Variants in PDZD2 observed in about 807,000 individuals in gnomAD.
PDZD2 encodes PDZ domain-containing protein 2.
A neutral mutation model predicts 220.7 loss-of-function variants in PDZD2; 90 were observed. That is an observed-to-expected ratio of 0.41 (90% CI 0.34 to 0.49). PDZD2 has a LOEUF of 0.49. Ranked by LOEUF, PDZD2 falls within the 20% of genes least tolerant of loss-of-function variation. The pLI is 0.28. For synonymous variants in PDZD2, 1,375 were observed against 1,450.5 expected (o/e 0.95, Z 1.18); for missense variants, 3,174 against 3,608.5 (o/e 0.88, Z 3.08).
chr5:31,911,473 C>T (rs974410888), intron 2 of PDZD2, among the ~76,000 whole-genome samples: 1 of 152,168 alleles, frequency 6.6e-6, no homozygotes, highest in Non-Finnish European at 1.5e-5. Flanking sequence ...TTCAGAAGCC[C>T]CTGACTTGGA....
intron 1 of PDZD2, among the ~76,000 whole-genome samples, chr5:31,708,881 GTTTTT>G (rs33947537): frequency 3.2e-5 from 2 of 61,726 alleles, no homozygotes; most frequent in African/African-American, 1.5e-4. Context: ...AATGTGTTTT[GTTTTT>G]TTTTTTTTTT....
chr5:32,047,412 CAT>C (rs1191332312), intron 7 of PDZD2, among the ~76,000 whole-genome samples: 10 of 152,100 alleles, frequency 6.6e-5, no homozygotes, highest in Non-Finnish European at 1.3e-4. Context: ...TATCTAATGA[CAT>C]GTGAGAGAAT....
chr5:31,911,929 C>G (rs1743243567), intron 2 of PDZD2, among the ~76,000 whole-genome samples: 1 of 152,168 alleles, frequency 6.6e-6, no homozygotes, highest in African/African-American at 2.4e-5. Context: ...TAGAAATAAG[C>G]TCACACGCCT....
intron 1 of PDZD2, among the ~76,000 whole-genome samples, chr5:31,756,511 A>C (rs1288247764): frequency 6.6e-6 from 1 of 152,222 alleles, no homozygotes; most frequent in Non-Finnish European, 1.5e-5. Flanking sequence ...TCCTGTGGCC[A>C]CTGTGGGCCT....
At chr5:31,716,559 T>G (rs1748456475) in intron 1 of PDZD2, among the ~76,000 whole-genome samples, 1 of 152,178 alleles carries the variant, frequency 6.6e-6, no homozygotes, top group Admixed American at 6.5e-5. Flanking sequence ...TGCCAGCACT[T>G]TGGGAGGCCA....
chr5:31,901,723 A>G (rs1382490327), intron 2 of PDZD2, among the ~76,000 whole-genome samples: 1 of 151,632 alleles, frequency 6.6e-6, no homozygotes, highest in Admixed American at 6.6e-5. Context: ...GAACATTTTA[A>G]TCACCCCTAA....
At chr5:31,673,192 C>A (rs1191037869) in intron 1 of PDZD2, among the ~76,000 whole-genome samples, 1 of 152,154 alleles carries the variant, frequency 6.6e-6, no homozygotes, top group Non-Finnish European at 1.5e-5. Context: ...TTTTCCAGAG[C>A]GACACGCTTC....
At chr5:31,915,763 G>A (rs1485832827) in intron 2 of PDZD2, among the ~76,000 whole-genome samples, 1 of 152,310 alleles carries the variant, frequency 6.6e-6, no homozygotes, top group East Asian at 1.9e-4. Context: ...AGGACCAGTA[G>A]TATGTAGACA....
intron 2 of PDZD2, among the ~76,000 whole-genome samples, chr5:31,831,935 G>C (rs1359254695): frequency 9.8e-6 from 1 of 101,846 alleles, no homozygotes; most frequent in African/African-American, 4.0e-5. Context: ...AAAAAAAAAA[G>C]AATAACGATG....
intron 1 of PDZD2, among the ~76,000 whole-genome samples, chr5:31,742,819 G>C (rs1750350624): frequency 6.6e-6 from 1 of 152,082 alleles, no homozygotes; most frequent in African/African-American, 2.4e-5. Context: ...GTACACAAAG[G>C]GCTTTGATCA....
At position 32,052,634 on chromosome 5, in the gene PDZD2, T is replaced by G. The variant is rs1167946060; in HGVS notation, c.1689T>G (p.Ser563=). 6.2e-7 allele frequency: 1 copy of G among 1,613,566 alleles called. No homozygotes were observed. Among genetic ancestry groups the G allele is most frequent in the East Asian group, 2.2e-5 (1 of 44,884 alleles). ...ASQEYHIVKK[S]TRSLSTTQVE... is the part of the protein sequence containing the mutation. The stretch of plus-strand genomic sequence containing the variant: ...AGGAATACCACATTGTGAAGAAGTC[T>G]ACCCGCTCCTTAAGCACGACTCAGG... The change falls in exon 9 of 25, where the codon TCT becomes TCG. Residue 563 remains serine (S), a synonymous_variant. Transcript: ENST00000438447.
At chr5:32,051,100 T>A (rs1443889200) in intron 8 of PDZD2, among the ~76,000 whole-genome samples, 1 of 151,778 alleles carries the variant, frequency 6.6e-6, no homozygotes, top group Non-Finnish European at 1.5e-5. Context: ...TGGTGAAGCC[T>A]ACAGGCCTTT....
chr5:32,104,406 A>AGT (rs1259756958), intron 24 of PDZD2, among the ~76,000 whole-genome samples: 1 of 151,486 alleles, frequency 6.6e-6, no homozygotes, highest in Non-Finnish European at 1.5e-5. Context: ...CCCAGGCTGG[A>AGT]GTGCAGTGTC....
intron 2 of PDZD2, among the ~76,000 whole-genome samples, chr5:31,958,359 T>C (rs1243539601): frequency 6.6e-6 from 1 of 151,944 alleles, no homozygotes; most frequent in African/African-American, 2.4e-5. Context: ...GTTCAAGCGA[T>C]TCTCCTGTCT....
At chr5:31,788,441 G>A (rs879854043) in intron 1 of PDZD2, among the ~76,000 whole-genome samples, 37 of 152,126 alleles carry the variant, frequency 2.4e-4, no homozygotes, top group Non-Finnish European at 4.6e-4. Flanking sequence ...CAAGGCGGGC[G>A]GATCACGAGT....
In PDZD2 at chr5:32,101,202, G is replaced by A. The variant is rs760190776; in HGVS notation, c.8316G>A (p.Thr2772=). 2.3e-5 allele frequency: 37 copies of A among 1,613,876 alleles called. No homozygotes were observed. Among genetic ancestry groups the A allele is most frequent in the South Asian group, 9.9e-5 (9 of 91,062 alleles). ...LSLDGGKSSV[T]GDGPLVIKRV... The stretch of plus-strand genomic sequence containing the variant: ...TGGATGGGGGAAAATCATCGGTGAC[G>A]GGAGATGGGCCCTTGGTCATTAAAA... Residue 2772 remains threonine (T), a synonymous_variant, in exon 24 of 25, where the codon ACG becomes ACA. Coordinates refer to ENST00000438447, the MANE Select transcript of PDZD2 (RefSeq NM_178140.4).
At chr5:31,814,026 TA>T (rs1188058608) in intron 2 of PDZD2, among the ~76,000 whole-genome samples, 6 of 152,112 alleles carry the variant, frequency 3.9e-5, no homozygotes, top group Non-Finnish European at 8.8e-5. Context: ...CTTTTTTAAA[TA>T]AAAAAGATTT....
chr5:32,048,774 G>A, intron 8 of PDZD2, 90 bp downstream of exon 8: 2 of 1,329,980 alleles, frequency 1.5e-6, no homozygotes, highest in Non-Finnish European at 2.1e-6. Context: ...GAGTGTCTGG[G>A]GCTAGAGAAG....
Position 31,752,073 on chromosome 5 carries a change from G to GTTTTTTTTTTTTTTT in PDZD2, c.-360-46813_-360-46799dup, listed in dbSNP as rs3032803. On this transcript the variant is annotated intron_variant, in intron 1 of 24. Transcript: ENST00000438447. ...TTGTTTGTTTTATTGTTTTGGGTTT[G>GTTTTTTTTTTTTTTT]TTTTTTTTTTTTTTTTTCTGAGACA... 7.9e-4 allele frequency among the ~76,000 whole-genome samples: 75 copies of GTTTTTTTTTTTTTTT among 95,054 alleles called. 3 individuals are homozygous for GTTTTTTTTTTTTTTT. Among genetic ancestry groups the GTTTTTTTTTTTTTTT allele is most frequent in the African/African-American group, 2.9e-3 (70 of 23,904 alleles). The allele number at this position is 95,054 out of a possible 152,430, so 62.4% of individuals were successfully genotyped here.
Sources: allele counts gnomAD v4.1 joint callset (sites outside exome capture counted in the v4.1 genomes callset), GRCh38; gene constraint gnomAD v4.1.1; transcripts MANE v1.5; gene names NCBI Gene and HGNC (gene_info 2026-07-23, HGNC 2026-07-21).